ZNF37A: variants seen among roughly 807,000 people sequenced by gnomAD.
ZNF37A encodes zinc finger protein 37a (KOX 21).
A neutral mutation model predicts 12.3 loss-of-function variants in ZNF37A; 10 were observed. That is an observed-to-expected ratio of 0.82 (90% CI 0.50 to 1.38). The LOEUF is 1.38. ZNF37A is among the 40% of genes most tolerant of loss of function. The pLI is 0.00. For synonymous variants in ZNF37A, 207 were observed against 223.0 expected (o/e 0.93, Z 0.64); for missense variants, 580 against 651.2 (o/e 0.89, Z 1.19).
In ZNF37A at chr10:38,117,650, G is replaced by A. The variant is rs1470003498; in HGVS notation, c.499G>A (p.Gly167Ser). Residue 167 changes from glycine to serine, a missense_variant, in exon 8 of 8, where the codon GGT becomes AGT. Physicochemically the swap from Gly to Ser is moderately conservative, Grantham distance 56. Coordinates refer to ENST00000685332, the MANE Select transcript of ZNF37A (RefSeq NM_001324250.3). The part of the protein sequence containing the change: ...ENSLFLVHKR[G>S]YTGQKTCKYT... ...TTCACTCTTCCTTGTACATAAGAGA[G>A]GTTACACAGGACAGAAAACCTGCAA... 6.2e-7 allele frequency: 1 copy of A among 1,613,876 alleles called. No homozygotes were observed. The highest frequency in any genetic ancestry group is 2.2e-5 in the East Asian group (1 of 44,826).
intron 5 of ZNF37A, among the ~76,000 whole-genome samples, chr10:38,104,888 C>T (rs539987582): frequency 6.6e-6 from 1 of 152,238 alleles, no homozygotes; most frequent in African/African-American, 2.4e-5. Flanking sequence ...CAATCTTAAC[C>T]CCATAGCCTT....
At chr10:38,145,782 A>G (rs955092362) in intron 7 of ZNF37A, among the ~76,000 whole-genome samples, 1 of 152,182 alleles carries the variant, frequency 6.6e-6, no homozygotes, top group East Asian at 1.9e-4. Flanking sequence ...TATCTATAAA[A>G]CTGTTTTTCT....
At chr10:38,142,838 T>A (rs1256979703) in intron 7 of ZNF37A, 39 of 152,170 alleles carry the variant, frequency 2.6e-4, no homozygotes, top group Non-Finnish European at 2.9e-5. Flanking sequence ...CATTTCTCCT[T>A]CTCACTTTAC....
rs2983343 is a variant in ZNF37A at position 38,094,404 on chromosome 10, A to T, written c.-578A>T. 2.6e-5 allele frequency: 4 copies of T among 151,936 alleles called. No individual in the cohort carries two copies. Among genetic ancestry groups the T allele is most frequent in the Non-Finnish European group, 2.9e-5 (2 of 68,020 alleles). The allele number at this position is 151,936 out of a possible 1,614,324, so 9.4% of individuals were successfully genotyped here. On this transcript the variant is annotated 5_prime_UTR_variant, in exon 1 of 8. Transcript: ENST00000685332. ...TTCGGGCCTTCTGGGCATGTCTGCC[A>T]TATGGCTCCAGGTTTGTTTTTCTCC...
chr10:38,099,763 A>G (rs1332958578), intron 5 of ZNF37A, among the ~76,000 whole-genome samples: 4 of 152,146 alleles, frequency 2.6e-5, no homozygotes, highest in African/African-American at 4.8e-5. Context: ...TGATTTCTCC[A>G]TATCCTTGCC....
chr10:38,101,775 A>G (rs760508431), intron 5 of ZNF37A, among the ~76,000 whole-genome samples: 3 of 147,664 alleles, frequency 2.0e-5, no homozygotes, highest in Non-Finnish European at 3.0e-5. Context: ...ATATAGTTGG[A>G]TCATATATTT....
In ZNF37A at chr10:38,119,398, T is replaced by C; in HGVS notation, c.*561T>C. The C allele has an allele frequency of 1.0e-6, 1 of 990,140 alleles. No homozygotes were observed. The highest frequency in any genetic ancestry group is 1.7e-5 in the African/African-American group (1 of 57,366). 61.3% of individuals were successfully genotyped at this position (990,140 alleles called of 1,614,324 possible). A position where few individuals can be genotyped will look rare whatever the true frequency, so the allele number is the denominator to read the frequency against. On this transcript the variant is annotated 3_prime_UTR_variant, in exon 8 of 8. Coordinates refer to ENST00000685332, the MANE Select transcript of ZNF37A (RefSeq NM_001324250.3). ...TAGGAAACTATAGGAAAGCATTTAC[T>C]ATGAGGTTATATTTTATGGAGTATA... is the stretch of plus-strand genomic sequence containing the variant.
At chr10:38,101,840 T>G (rs2067610298) in intron 5 of ZNF37A, among the ~76,000 whole-genome samples, 1 of 123,328 alleles carries the variant, frequency 8.1e-6, no homozygotes, top group East Asian at 2.5e-4. Context: ...TTTTTTTTTT[T>G]GAGACAGAGT....
chr10:38,121,157 CT>C lies in ZNF37A; in HGVS notation c.*2324del, dbSNP rs2069669768. The C allele has an allele frequency of 6.6e-6, 1 of 151,712 alleles. No individual in the cohort carries two copies. Among genetic ancestry groups the C allele is most frequent in the South Asian group, 2.1e-4 (1 of 4,816 alleles). The allele number at this position is 151,712 out of a possible 1,614,324, so 9.4% of individuals were successfully genotyped here. On this transcript the variant is annotated 3_prime_UTR_variant, in exon 8 of 8. Coordinates refer to ENST00000685332, the MANE Select transcript of ZNF37A (RefSeq NM_001324250.3). ...CTTTTCTAGAAGAAAAAAGATGGAACTTTTCCAATTCAGTTTTTGAGGCCAG... is the reference window on the plus strand; with the variant it reads ...CTTTTCTAGAAGAAAAAAGATGGAACTTTCCAATTCAGTTTTTGAGGCCAG...
chr10:38,134,136 C>T (rs1382904846), intron 7 of ZNF37A, among the ~76,000 whole-genome samples: 3 of 152,186 alleles, frequency 2.0e-5, no homozygotes, highest in Non-Finnish European at 4.4e-5. Flanking sequence ...TCAGCTCCAT[C>T]AGATCATTTA....
chr10:38,097,815 CAATT>C (rs1418212182), intron 5 of ZNF37A, among the ~76,000 whole-genome samples: 2 of 151,872 alleles, frequency 1.3e-5, no homozygotes, highest in Admixed American at 1.3e-4. Flanking sequence ...ATGAAATTCA[CAATT>C]AAGCCATTTT....
At chr10:38,131,751 C>T (rs1247268763) in intron 7 of ZNF37A, among the ~76,000 whole-genome samples, 4 of 152,126 alleles carry the variant, frequency 2.6e-5, no homozygotes, top group Non-Finnish European at 5.9e-5. Context: ...AGTGTTAAGT[C>T]TTCCTATACA....
intron 7 of ZNF37A, chr10:38,138,570 A>G (rs1204002348): frequency 6.6e-6 from 1 of 152,212 alleles, no homozygotes; most frequent in South Asian, 2.1e-4. Context: ...CTTATATTGG[A>G]CTAAGGTTAG....
chr10:38,142,472 A>T (rs1378083571), intron 7 of ZNF37A: 3 of 152,138 alleles, frequency 2.0e-5, no homozygotes, highest in African/African-American at 7.2e-5. Context: ...TGAAAATAGA[A>T]CTTCTCATTG....
At chr10:38,113,861 A>G (rs176885) in intron 5 of ZNF37A, among the ~76,000 whole-genome samples, 73,326 of 151,954 alleles carry the variant, frequency 0.48, 17,861 homozygotes, top group East Asian at 0.54. Flanking sequence ...ATGACCTGGG[A>G]TGGGTGGAGC....
chr10:38,136,629 T>C (rs564835279), intron 7 of ZNF37A, among the ~76,000 whole-genome samples: 9 of 152,248 alleles, frequency 5.9e-5, no homozygotes, highest in Non-Finnish European at 1.0e-4. Flanking sequence ...AGTATGAGTA[T>C]TATTGAGTTT....
At chr10:38,104,204 A>G (rs1199836644) in intron 5 of ZNF37A, among the ~76,000 whole-genome samples, 4 of 152,092 alleles carry the variant, frequency 2.6e-5, no homozygotes, top group Admixed American at 1.3e-4. Flanking sequence ...TTGCCTTTAA[A>G]TGCTTTCAAC....
intron 5 of ZNF37A, among the ~76,000 whole-genome samples, chr10:38,100,953 G>T (rs2067517691): frequency 6.6e-6 from 1 of 152,084 alleles, no homozygotes; most frequent in Non-Finnish European, 1.5e-5. Flanking sequence ...TTCTGCCTTG[G>T]CTGCAGCCGG....
rs2069542855 is a variant in ZNF37A, at chr10:38,119,240, G to C, written c.*403G>C. ...AAACCTTTTGGGTGTAATGAATGTGGGAAAACCTTTCATCAGAAGTCAGCT... is the reference window on the plus strand; with the variant it reads ...AAACCTTTTGGGTGTAATGAATGTGCGAAAACCTTTCATCAGAAGTCAGCT... On this transcript the variant is annotated 3_prime_UTR_variant, in exon 8 of 8. Coordinates refer to ENST00000685332, the MANE Select transcript of ZNF37A (RefSeq NM_001324250.3). 1.9e-6 allele frequency: 2 copies of C among 1,043,228 alleles called. No homozygotes were observed. Among genetic ancestry groups the C allele is most frequent in the African/African-American group, 3.5e-5 (2 of 57,856 alleles). The allele number at this position is 1,043,228 out of a possible 1,614,324, so 64.6% of individuals were successfully genotyped here. A position where few individuals can be genotyped will look rare whatever the true frequency, so the allele number is the denominator to read the frequency against.
Sources: gnomAD v4.1 joint callset for allele counts (sites outside exome capture counted in the v4.1 genomes callset) on GRCh38, gnomAD v4.1.1 for gene constraint, MANE v1.5 for transcripts, NCBI Gene and HGNC (gene_info 2026-07-23, HGNC 2026-07-21) for gene names.